The following PLCE1 variants were observed in gnomAD, a reference collection of about 807,000 sequenced individuals.
PLCE1 encodes the protein phospholipase C epsilon 1, also known as 1-phosphatidylinositol 4,5-bisphosphate phosphodiesterase epsilon-1.
In PLCE1, 119 loss-of-function variants were observed where a neutral mutation model predicts 242.8. That is an observed-to-expected ratio of 0.49 (90% CI 0.42 to 0.57). PLCE1 has a LOEUF of 0.57. Ranked by LOEUF, PLCE1 falls within the 20% of genes least tolerant of loss-of-function variation. PLCE1 has a pLI of 0.00. For missense variants in PLCE1, 2,441 were observed against 2,788.8 expected (o/e 0.88, Z 2.81); for synonymous variants, 945 against 1,017.4 (o/e 0.93, Z 1.35).
At chr10:94,192,893 G>A (rs200367707) in intron 4 of PLCE1, among the ~76,000 whole-genome samples, 1 of 94,440 alleles carries the variant, frequency 1.1e-5, no homozygotes, top group African/African-American at 4.4e-5. Context: ...GAACGCACCC[G>A]CTCTCATCTG....
At chr10:94,130,549 G>A (rs1402173307) in intron 2 of PLCE1, among the ~76,000 whole-genome samples, 1 of 152,178 alleles carries the variant, frequency 6.6e-6, no homozygotes, top group Non-Finnish European at 1.5e-5. Context: ...TTAATGACCA[G>A]CTCTCTATCT....
chr10:94,303,522 T>A (rs3781265), intron 24 of PLCE1, among the ~76,000 whole-genome samples: 50,876 of 152,082 alleles, frequency 0.33, 8,840 homozygotes, highest in Middle Eastern at 0.49. Flanking sequence ...ATTTTTTTTC[T>A]TGTTTACGAT....
intron 4 of PLCE1, among the ~76,000 whole-genome samples, chr10:94,202,665 A>T (rs2049022340): frequency 6.6e-6 from 1 of 152,168 alleles, no homozygotes; most frequent in Non-Finnish European, 1.5e-5. Flanking sequence ...TGACAGTGTA[A>T]GGAAACCTTG....
chr10:94,060,370 T>G (rs2044014598), intron 2 of PLCE1, among the ~76,000 whole-genome samples: 1 of 152,184 alleles, frequency 6.6e-6, no homozygotes, highest in Admixed American at 6.6e-5. Context: ...TGGAATTATG[T>G]GAGGCCTACA....
At chr10:94,228,586 G>A (rs979019799) in intron 5 of PLCE1, among the ~76,000 whole-genome samples, 8 of 152,138 alleles carry the variant, frequency 5.3e-5, no homozygotes, top group African/African-American at 1.4e-4. Context: ...TCACTATAAA[G>A]GAATGTTAGT....
Position 94,331,512 on chromosome 10 carries a change from G to C in PLCE1, c.*3569G>C, listed in dbSNP as rs1311126997. 1 of 152,170 alleles carries C rather than the reference G, an allele frequency of 6.6e-6. No individual in the cohort carries two copies. Among genetic ancestry groups the C allele is most frequent in the African/African-American group, 2.4e-5 (1 of 41,442 alleles). The allele number at this position is 152,170 out of a possible 1,614,324, so 9.4% of individuals were successfully genotyped here. A position where few individuals can be genotyped will look rare whatever the true frequency, so the allele number is the denominator to read the frequency against. On this transcript the variant is annotated 3_prime_UTR_variant, in exon 33 of 33. Transcript: ENST00000371380. ...GCTCCCATGCTAGTAAAGAAGAGTAGGATTTTCCTGGCTGGTGTCTTTGAT... is the reference window on the plus strand; with the variant it reads ...GCTCCCATGCTAGTAAAGAAGAGTACGATTTTCCTGGCTGGTGTCTTTGAT...
At chr10:94,039,818 C>T (rs1049388693) in intron 2 of PLCE1, among the ~76,000 whole-genome samples, 2 of 152,200 alleles carry the variant, frequency 1.3e-5, no homozygotes, top group African/African-American at 4.8e-5. Flanking sequence ...AACATCTTTT[C>T]ATGTGCTCTT....
intron 3 of PLCE1, among the ~76,000 whole-genome samples, chr10:94,145,379 A>AG (rs1251151972): frequency 1.3e-5 from 2 of 152,206 alleles, no homozygotes; most frequent in African/African-American, 4.8e-5. Context: ...CTCCAGGCCC[A>AG]GGTGGACTGT....
intron 4 of PLCE1, among the ~76,000 whole-genome samples, chr10:94,221,049 G>A (rs1379866213): frequency 2.6e-5 from 4 of 152,186 alleles, no homozygotes; most frequent in Admixed American, 1.3e-4. Context: ...CAGAAATGAC[G>A]CCTGATCTGA....
At chr10:94,061,847 T>TA (rs2134972844) in intron 2 of PLCE1, among the ~76,000 whole-genome samples, 1 of 152,336 alleles carries the variant, frequency 6.6e-6, no homozygotes, top group Non-Finnish European at 1.5e-5. Context: ...ACATGCCTCT[T>TA]ATAACACCAT....
rs1385505143 is a variant in PLCE1 at position 93,994,181 on chromosome 10, G to A, written c.-442G>A. ...GTAGCGGGGACACCCGACGCCGCTA[G>A]CGACAGGCGCGCGGACGGCTGGTCC... On this transcript the variant is annotated 5_prime_UTR_variant, in exon 1 of 33. Transcript: ENST00000371380. 6.6e-6 allele frequency among the ~76,000 whole-genome samples: 1 copy of A among 152,202 alleles called. No homozygotes were observed. The highest frequency in any genetic ancestry group is 1.5e-5 in the Non-Finnish European group (1 of 68,026).
chr10:94,168,120 A>G (rs571489697), intron 3 of PLCE1, among the ~76,000 whole-genome samples: 1 of 152,190 alleles, frequency 6.6e-6, no homozygotes, highest in African/African-American at 2.4e-5. Context: ...TTCATGGATC[A>G]TGAGGAAGGA....
At chr10:94,148,338 A>G (rs143108187) in intron 3 of PLCE1, among the ~76,000 whole-genome samples, 1 of 152,250 alleles carries the variant, frequency 6.6e-6, no homozygotes, top group East Asian at 1.9e-4. Context: ...GGGGGCCTTG[A>G]GAAATGGAGC....
intron 2 of PLCE1, chr10:94,108,566 G>T (rs544849323): frequency 6.6e-6 from 1 of 152,326 alleles, no homozygotes; most frequent in East Asian, 1.9e-4. Flanking sequence ...CACTTTTCAG[G>T]GTGCCTGCTG....
chr10:94,313,116 CTA>C lies in PLCE1; in HGVS notation c.6004-137_6004-136del, dbSNP rs3215794. 74,980 of 935,774 alleles carry C rather than the reference CTA, an allele frequency of 0.08. 3,757 individuals carry two copies. Among genetic ancestry groups the C allele is most frequent in the East Asian group, 0.2 (7,925 of 40,282 alleles). The allele number at this position is 935,774 out of a possible 1,614,324, so 58.0% of individuals were successfully genotyped here. ...TGAGGAAGAGGTACCATTTGTAGCA[CTA>C]GGCTACAAATGGACTCTCATCTTTT... is the stretch of plus-strand genomic sequence containing the variant. On this transcript the variant is annotated intron_variant, in intron 27 of 32. Transcript: ENST00000371380.
At chr10:94,223,816 T>C (rs1215289405) in intron 4 of PLCE1, among the ~76,000 whole-genome samples, 3 of 152,192 alleles carry the variant, frequency 2.0e-5, no homozygotes, top group African/African-American at 7.2e-5. Context: ...GCCTAAACCA[T>C]AGTACTTTAT....
intron 2 of PLCE1, among the ~76,000 whole-genome samples, chr10:94,121,520 G>A (rs2046297952): frequency 6.6e-6 from 1 of 152,252 alleles, no homozygotes; most frequent in South Asian, 2.1e-4. Flanking sequence ...AGGTATTTAT[G>A]CTATTATGAC....
intron 32 of PLCE1, 122 bp downstream of exon 32, chr10:94,325,226 A>G: frequency 1.3e-6 from 1 of 745,562 alleles, no homozygotes; most frequent in Non-Finnish European, 2.4e-6. Flanking sequence ...GAAGGCAGGT[A>G]GGAATGGGAC....
Position 94,171,251 on chromosome 10 carries a change from C to A in PLCE1, c.1564C>A (p.Leu522Met), listed in dbSNP as rs945679453. The change falls in exon 4 of 33, where the codon CTG (leucine) becomes ATG (methionine). Residue 522 changes from leucine (L) to methionine (M), a missense_variant. Physicochemically the swap from Leu to Met is conservative, Grantham distance 15 (BLOSUM62 2). Coordinates refer to ENST00000371380, the MANE Select transcript of PLCE1 (RefSeq NM_016341.4). ...AAGTTCAGCTGGGATCAGCAAGGAG[C>A]TGATCGATCTGCAGCCTCTCATCCA... ...PSSSAGISKE[L>M]IDLQPLIQFP... 6 of 1,614,090 alleles carry A rather than the reference C, an allele frequency of 3.7e-6. No homozygotes were observed. Among genetic ancestry groups the A allele is most frequent in the Admixed American group, 3.3e-5 (2 of 60,006 alleles).
Sources: allele counts gnomAD v4.1 joint callset (sites outside exome capture counted in the v4.1 genomes callset), GRCh38; gene constraint gnomAD v4.1.1; transcripts MANE v1.5; gene names NCBI Gene and HGNC (gene_info 2026-07-23, HGNC 2026-07-21).